TENM2: variants seen among roughly 807,000 people sequenced by gnomAD.
TENM2 encodes the protein teneurin-2.
TENM2 carries 52 observed loss-of-function variants against 245.2 expected under a neutral mutation model. The ratio of observed to expected loss-of-function variants is 0.21; its 90% CI spans 0.17 to 0.27. The LOEUF (loss-of-function observed/expected upper bound fraction) is 0.27. Ranked by LOEUF, TENM2 falls within the 10% of genes least tolerant of loss-of-function variation. The pLI, the probability that TENM2 is intolerant of heterozygous loss-of-function variation, is 1.00. For missense variants in TENM2, 3,046 were observed against 3,666.8 expected (o/e 0.83, Z 4.37); for synonymous variants, 1,363 against 1,438.9 (o/e 0.95, Z 1.19).
intron 2 of TENM2, among the ~76,000 whole-genome samples, chr5:167,427,977 G>GTC (rs992197056): frequency 2.0e-5 from 3 of 151,920 alleles, no homozygotes; most frequent in Admixed American, 6.6e-5. Flanking sequence ...AAAAGAGAAA[G>GTC]AAGCCAACAA....
At chr5:168,162,962 T>A (rs1581499182) in intron 13 of TENM2, among the ~76,000 whole-genome samples, 1 of 152,132 alleles carries the variant, frequency 6.6e-6, no homozygotes, top group Admixed American at 6.5e-5. Flanking sequence ...GCACTGGGGG[T>A]TGATACTGGC....
the TENM2 span, among the ~76,000 whole-genome samples, chr5:167,154,891 A>T: frequency 3.3e-5 from 5 of 152,232 alleles, no homozygotes; most frequent in African/African-American, 1.2e-4. Context: ...CTCAATAGAC[A>T]TAAGCTACTT....
the TENM2 span, among the ~76,000 whole-genome samples, chr5:167,184,361 A>C: frequency 6.6e-6 from 1 of 152,210 alleles, no homozygotes; most frequent in African/African-American, 2.4e-5. Flanking sequence ...GTTAGCATTT[A>C]TAGAGGACCT....
At chr5:167,171,156 C>A in the TENM2 span, among the ~76,000 whole-genome samples, 1 of 151,930 alleles carries the variant, frequency 6.6e-6, no homozygotes, top group Non-Finnish European at 1.5e-5. Context: ...TAGCCTCTTT[C>A]CCTGCCTTGC....
At chr5:168,158,726 A>T (rs1757415731) in intron 12 of TENM2, among the ~76,000 whole-genome samples, 1 of 148,598 alleles carries the variant, frequency 6.7e-6, no homozygotes, top group Non-Finnish European at 1.5e-5. Flanking sequence ...TTGGGAGGCC[A>T]AGGCAGGCGG....
intron 2 of TENM2, among the ~76,000 whole-genome samples, chr5:167,674,546 A>AT (rs1756182944): frequency 6.6e-6 from 1 of 152,120 alleles, no homozygotes; most frequent in South Asian, 2.1e-4. Context: ...AATAATAATA[A>AT]TTTTTAACAG....
intron 3 of TENM2, among the ~76,000 whole-genome samples, chr5:167,951,558 A>T (rs1780103679): frequency 6.6e-6 from 1 of 152,174 alleles, no homozygotes; most frequent in African/African-American, 2.4e-5. Context: ...CTACAAGGGG[A>T]TATTTTCCAA....
chr5:167,764,809 C>T (rs1321250692), intron 2 of TENM2, among the ~76,000 whole-genome samples: 2 of 152,124 alleles, frequency 1.3e-5, no homozygotes, highest in Non-Finnish European at 2.9e-5. Context: ...CTCCCCTCTG[C>T]CAGACACACT....
chr5:167,724,849 G>A (rs1198633949), intron 2 of TENM2, among the ~76,000 whole-genome samples: 3 of 152,194 alleles, frequency 2.0e-5, no homozygotes, highest in Admixed American at 1.3e-4. Context: ...CGCAGTCGTA[G>A]TGAGAGTGGT....
chr5:167,427,570 AGGAAGGAC>A (rs1424277761), intron 2 of TENM2, among the ~76,000 whole-genome samples: 50 of 116,802 alleles, frequency 4.3e-4, no homozygotes, highest in South Asian at 6.9e-4. Context: ...AAGGGAAGGA[AGGAAGGAC>A]GGGAAGGAAG....
intron 3 of TENM2, among the ~76,000 whole-genome samples, chr5:167,910,925 AG>A (rs1373091290): frequency 6.6e-6 from 1 of 152,226 alleles, no homozygotes; most frequent in Non-Finnish European, 1.5e-5. Context: ...TGCTAAATTG[AG>A]GACTATACAA....
the TENM2 span, among the ~76,000 whole-genome samples, chr5:167,089,530 G>T: frequency 1.3e-5 from 2 of 152,112 alleles, no homozygotes; most frequent in African/African-American, 4.8e-5. Context: ...AATTAACATG[G>T]ATTGTAATTG....
rs941870697 is a variant in TENM2, at chr5:167,476,493, A to G, written c.502+101020A>G. Reference sequence around the variant, plus strand: ...AAAGGTCTTGAAGTGTTGGGAAACTATTGTGCTCATGATGGCAAACTGAAG... The same window carrying G: ...AAAGGTCTTGAAGTGTTGGGAAACTGTTGTGCTCATGATGGCAAACTGAAG... On this transcript the variant is annotated intron_variant, in intron 2 of 28. Transcript: ENST00000518659. Among the ~76,000 whole-genome samples, 7 of 152,182 alleles carry G rather than the reference A, an allele frequency of 4.6e-5. No individual in the cohort carries two copies. In the South Asian group the frequency reaches 1.2e-3, roughly 27 times the overall value.
chr5:166,991,791 G>C, the TENM2 span, among the ~76,000 whole-genome samples: 1 of 152,130 alleles, frequency 6.6e-6, no homozygotes, highest in African/African-American at 2.4e-5. Flanking sequence ...ACTGGCATGT[G>C]GATTGCTGTG....
chr5:167,635,019 C>G (rs1408681690), intron 2 of TENM2, among the ~76,000 whole-genome samples: 1 of 152,030 alleles, frequency 6.6e-6, no homozygotes, highest in Admixed American at 6.6e-5. Context: ...AACTGGGTAC[C>G]CCTACAGGCT....
At chr5:168,045,266 A>C (rs1788516534) in intron 5 of TENM2, among the ~76,000 whole-genome samples, 1 of 152,158 alleles carries the variant, frequency 6.6e-6, no homozygotes, top group Non-Finnish European at 1.5e-5. Context: ...GATACTTTTA[A>C]AAAATAAAAA....
chr5:168,234,887 A>G (rs888652687), intron 25 of TENM2, among the ~76,000 whole-genome samples: 2 of 152,228 alleles, frequency 1.3e-5, no homozygotes, highest in Admixed American at 1.3e-4. Flanking sequence ...TGATATTGGT[A>G]TTAGTGTTAT....
chr5:168,039,183 T>C (rs1787964262), intron 5 of TENM2, among the ~76,000 whole-genome samples: 1 of 152,352 alleles, frequency 6.6e-6, no homozygotes, highest in Non-Finnish European at 1.5e-5. Flanking sequence ...TCTTATCCTC[T>C]AAAACATTCA....
chr5:167,984,337 A>G (rs908579899), intron 4 of TENM2, among the ~76,000 whole-genome samples: 4 of 152,242 alleles, frequency 2.6e-5, no homozygotes, highest in African/African-American at 7.2e-5. Context: ...TCTAAAGTAC[A>G]GGAGATGTTT....
Sources: gnomAD v4.1 joint callset for allele counts (sites outside exome capture counted in the v4.1 genomes callset) on GRCh38, gnomAD v4.1.1 for gene constraint, MANE v1.5 for transcripts, NCBI Gene and HGNC (gene_info 2026-07-23, HGNC 2026-07-21) for gene names.